SLIT1: variants seen among roughly 807,000 people sequenced by gnomAD.
SLIT1 encodes the protein slit guidance ligand 1, also known as slit homolog 1 protein.
SLIT1 carries 66 observed loss-of-function variants against 186.1 expected under a neutral mutation model. The observed-to-expected ratio is 0.35, with a 90% CI of 0.29 to 0.44. SLIT1 has a LOEUF of 0.44. Ranked by LOEUF, SLIT1 falls within the 20% of genes least tolerant of loss-of-function variation. The probability of loss-of-function intolerance (pLI) is 1.00; values close to 1 mark genes in which losing one functional copy is unlikely to be tolerated. For missense variants in SLIT1, 1,638 were observed against 2,037.4 expected, an observed-to-expected ratio of 0.80 and a Z score of 3.77; for synonymous variants, 761 against 833.8, an observed-to-expected ratio of 0.91 and a Z score of 1.50.
intron 4 of SLIT1, among the ~76,000 whole-genome samples, chr10:97,145,139 T>C (rs905988068): frequency 1.3e-5 from 2 of 152,016 alleles, no homozygotes; most frequent in Non-Finnish European, 2.9e-5. Flanking sequence ...TTGTTATTAT[T>C]ACTATTATTA....
chr10:97,163,117 G>T (rs1381219883), intron 3 of SLIT1, among the ~76,000 whole-genome samples: 1 of 152,200 alleles, frequency 6.6e-6, no homozygotes, highest in Non-Finnish European at 1.5e-5. Flanking sequence ...TAAATTTTTT[G>T]CCATCCCGTA....
chr10:97,078,180 A>C (rs1849064153), intron 4 of SLIT1, among the ~76,000 whole-genome samples: 1 of 152,188 alleles, frequency 6.6e-6, no homozygotes, highest in Non-Finnish European at 1.5e-5. Context: ...CCTGATGTCC[A>C]AGTTCCTGCA....
intron 4 of SLIT1, among the ~76,000 whole-genome samples, chr10:97,130,279 T>C (rs899921796): frequency 1.3e-5 from 2 of 152,362 alleles, no homozygotes; most frequent in Middle Eastern, 3.4e-3. Context: ...CGAAGAGGAA[T>C]GTACAGGGAC....
At chr10:97,140,129 G>C (rs942938208) in intron 4 of SLIT1, among the ~76,000 whole-genome samples, 1 of 152,096 alleles carries the variant, frequency 6.6e-6, no homozygotes, top group African/African-American at 2.4e-5. Context: ...CTCTGGCTCT[G>C]ACCATGGGGA....
At chr10:97,087,792 G>A (rs1215274919) in intron 4 of SLIT1, among the ~76,000 whole-genome samples, 1 of 152,062 alleles carries the variant, frequency 6.6e-6, no homozygotes, top group Non-Finnish European at 1.5e-5. Context: ...TGGGCGCTGG[G>A]GGGATGGAGT....
intron 4 of SLIT1, among the ~76,000 whole-genome samples, chr10:97,140,842 A>G (rs1346669529): frequency 6.6e-6 from 1 of 152,090 alleles, no homozygotes; most frequent in East Asian, 1.9e-4. Context: ...ATTGTTCCAA[A>G]TTTGACTCTG....
At chr10:97,120,670 C>G (rs1849552762) in intron 4 of SLIT1, among the ~76,000 whole-genome samples, 1 of 152,164 alleles carries the variant, frequency 6.6e-6, no homozygotes, top group South Asian at 2.1e-4. Context: ...GTGCCTCCTC[C>G]TAGGATGTTG....
intron 22 of SLIT1, among the ~76,000 whole-genome samples, chr10:97,035,940 C>T (rs1350300041): frequency 6.6e-6 from 1 of 152,178 alleles, no homozygotes; most frequent in Non-Finnish European, 1.5e-5. Context: ...CTGAGTTGAT[C>T]ACATCCTCCT....
chr10:97,141,166 C>T (rs992222997), intron 4 of SLIT1, among the ~76,000 whole-genome samples: 2 of 152,186 alleles, frequency 1.3e-5, no homozygotes, highest in African/African-American at 4.8e-5. Context: ...GGATTCAGCC[C>T]CTCCCTGAAC....
In SLIT1 at chr10:97,158,385, G is replaced by T. The variant is rs9420708; in HGVS notation, c.342-496C>A. Among the ~76,000 whole-genome samples, 17 of 152,062 alleles carry T rather than the reference G, an allele frequency of 1.1e-4. No individual in the cohort carries two copies. In the East Asian group the frequency reaches 3.1e-3, roughly 28 times the overall value. On this transcript the variant is annotated intron_variant, in intron 3 of 36. Transcript: ENST00000266058. ...TTTTTCAAAATGAAAATAGCAGCTG[G>T]GCGCAGTGGCTCACAACTGTAATCC...
At chr10:97,065,000 T>C in intron 5 of SLIT1, 124 bp from the exon 6 acceptor site, 2 of 573,202 alleles carry the variant, frequency 3.5e-6, no homozygotes, top group African/African-American at 1.9e-5. Flanking sequence ...GTTATGTGTA[T>C]ATGTGTCAAT....
intron 23 of SLIT1, among the ~76,000 whole-genome samples, chr10:97,033,297 A>G (rs1848608578): frequency 6.6e-6 from 1 of 152,110 alleles, no homozygotes; most frequent in Non-Finnish European, 1.5e-5. Context: ...TTTTTTGGGT[A>G]CTGGCTCTAC....
intron 4 of SLIT1, among the ~76,000 whole-genome samples, chr10:97,074,562 C>T (rs756635113): frequency 2.0e-5 from 3 of 152,216 alleles, no homozygotes; most frequent in Non-Finnish European, 2.9e-5. Context: ...AGGATATTAA[C>T]AACCAACACC....
rs1491512373 is a variant in SLIT1, at chr10:97,037,098, G to GTGTA, written c.2366+599_2366+600insTACA. On this transcript the variant is annotated intron_variant, in intron 22 of 36. Coordinates refer to ENST00000266058, the MANE Select transcript of SLIT1 (RefSeq NM_003061.3). ...TGTGTGTGTGTGTGTGTGTGTGTGT[G>GTGTA]TATGTGTGTGTGTGTGACGGAGTTT... Among the ~76,000 whole-genome samples, 860 of 117,788 alleles carry GTGTA rather than the reference G, an allele frequency of 7.3e-3. 14 individuals carry two copies. Among genetic ancestry groups the GTGTA allele is most frequent in the African/African-American group, 0.025 (799 of 32,010 alleles). 77.3% of individuals were successfully genotyped at this position (117,788 alleles called of 152,430 possible). A position where few individuals can be genotyped will look rare whatever the true frequency, so the allele number is the denominator to read the frequency against.
At chr10:97,067,218 G>C (rs926246630) in intron 4 of SLIT1, among the ~76,000 whole-genome samples, 1 of 152,132 alleles carries the variant, frequency 6.6e-6, no homozygotes, top group Non-Finnish European at 1.5e-5. Context: ...GCCCTGCTGC[G>C]AGGGGAGGGG....
intron 23 of SLIT1, among the ~76,000 whole-genome samples, chr10:97,033,444 A>C (rs767934948): frequency 2.0e-5 from 3 of 152,116 alleles, no homozygotes; most frequent in Non-Finnish European, 4.4e-5. Flanking sequence ...ATATCTTAGA[A>C]TATGGCCACA....
intron 4 of SLIT1, among the ~76,000 whole-genome samples, chr10:97,121,262 G>A (rs1849557789): frequency 6.6e-6 from 1 of 152,122 alleles, no homozygotes. Context: ...ACAATAAGTG[G>A]TGTCACCCTG....
At chr10:97,048,106 G>A (rs1165650475) in intron 14 of SLIT1, 110 bp from the exon 15 acceptor site, 1 of 1,161,282 alleles carries the variant, frequency 8.6e-7, no homozygotes, top group Admixed American at 1.7e-5. Context: ...CAGGGCTGAG[G>A]AGCCCATCTG....
At position 97,021,949 on chromosome 10, in the gene SLIT1, C is replaced by T. The variant is rs1356769467; in HGVS notation, c.2583-536G>A. Among the ~76,000 whole-genome samples, 2 of 152,264 alleles carry T rather than the reference C, an allele frequency of 1.3e-5. No individual in the cohort carries two copies. Among genetic ancestry groups the T allele is most frequent in the Admixed American group, 6.5e-5 (1 of 15,302 alleles). Reference sequence around the variant, plus strand: ...ATTCTCATTTTACATGTGCAGAAACCGAGGCTCAAAAAGGCTGAGGAATTT... The same window carrying T: ...ATTCTCATTTTACATGTGCAGAAACTGAGGCTCAAAAAGGCTGAGGAATTT... On this transcript the variant is annotated intron_variant, in intron 25 of 36. Transcript: ENST00000266058. The surrounding 1 kb of genome is among the most constrained non-coding windows in gnomAD (Gnocchi z 4.5).
Sources: gnomAD v4.1 joint callset for allele counts (sites outside exome capture counted in the v4.1 genomes callset) on GRCh38, gnomAD v4.1.1 for gene constraint, Gnocchi (gnomAD v3.1) non-coding constraint, MANE v1.5 for transcripts, NCBI Gene and HGNC (gene_info 2026-07-23, HGNC 2026-07-21) for gene names.